ANO2: variants seen among roughly 807,000 people sequenced by gnomAD.
ANO2 encodes the protein anoctamin-2.
ANO2 carries 101 observed loss-of-function variants against 124.2 expected under a neutral mutation model. The ratio of observed to expected loss-of-function variants is 0.81; its 90% CI spans 0.69 to 0.96. The LOEUF is 0.96. Ranked by LOEUF, ANO2 falls within the 40% of genes least tolerant of loss-of-function variation. The probability of loss-of-function intolerance (pLI) is 0.00; values close to 1 mark genes in which losing one functional copy is unlikely to be tolerated. For synonymous variants in ANO2, 486 were observed against 482.5 expected (o/e 1.01, Z -0.09); for missense variants, 1,293 against 1,274.5 (o/e 1.01, Z -0.22).
chr12:5,839,468 C>T (rs1028526681), intron 4 of ANO2: 1 of 416,236 alleles, frequency 2.4e-6, no homozygotes, highest in Non-Finnish European at 4.8e-6. Context: ...CTACTCCAGA[C>T]TCACCTAACA....
chr12:5,768,776 C>T (rs570463430), intron 10 of ANO2, among the ~76,000 whole-genome samples: 2 of 152,320 alleles, frequency 1.3e-5, no homozygotes, highest in East Asian at 3.9e-4. Context: ...CAGCAGGACC[C>T]TGGCTGTCTG....
intron 16 of ANO2, among the ~76,000 whole-genome samples, chr12:5,634,602 G>A (rs950547957): frequency 6.6e-6 from 1 of 152,172 alleles, no homozygotes; most frequent in Admixed American, 6.5e-5. Flanking sequence ...TGAGGCCGTT[G>A]CATTTTTCTC....
intron 14 of ANO2, among the ~76,000 whole-genome samples, chr12:5,648,011 G>A (rs968665743): frequency 7.2e-5 from 11 of 152,166 alleles, no homozygotes; most frequent in African/African-American, 2.7e-4. Flanking sequence ...AAACTACAGT[G>A]AAAAAACAAG....
In ANO2 at chr12:5,824,925, G is replaced by A. The variant is rs149734879; in HGVS notation, c.892+2844C>T. Among the ~76,000 whole-genome samples, 120 of 152,248 alleles carry A rather than the reference G, an allele frequency of 7.9e-4. 1 individual carries two copies. Among genetic ancestry groups the A allele is most frequent in the African/African-American group, 2.6e-3 (110 of 41,544 alleles). On this transcript the variant is annotated intron_variant, in intron 7 of 24. Transcript: ENST00000682330. The stretch of plus-strand genomic sequence containing the variant: ...CCCTGATAAACCCATCAGATCTCGT[G>A]AGACTTATTCACTATCACAAGAATA...
intron 4 of ANO2, among the ~76,000 whole-genome samples, chr12:5,837,069 C>T (rs1381628453): frequency 6.6e-6 from 1 of 152,168 alleles, no homozygotes; most frequent in African/African-American, 2.4e-5. Flanking sequence ...GGGATCCAAA[C>T]AGTCATAAGA....
At chr12:5,907,950 C>A (rs1940805623) in intron 3 of ANO2, among the ~76,000 whole-genome samples, 1 of 152,252 alleles carries the variant, frequency 6.6e-6, no homozygotes, top group African/African-American at 2.4e-5. Flanking sequence ...GGATGCCAGA[C>A]CCTGCTCACA....
chr12:5,591,739 G>A (rs1053310341), intron 20 of ANO2, among the ~76,000 whole-genome samples: 1 of 152,174 alleles, frequency 6.6e-6, no homozygotes, highest in Non-Finnish European at 1.5e-5. Context: ...ACTTTGGGGT[G>A]AAGTTCCCTG....
chr12:5,920,698 T>C (rs1425330476), intron 3 of ANO2, among the ~76,000 whole-genome samples: 1 of 152,030 alleles, frequency 6.6e-6, no homozygotes, highest in East Asian at 1.9e-4. Flanking sequence ...ACCCCGTCTC[T>C]ACTAAAAAAA....
chr12:5,721,322 A>C (rs562455278), intron 14 of ANO2, among the ~76,000 whole-genome samples: 33 of 152,358 alleles, frequency 2.2e-4, no homozygotes, highest in Non-Finnish European at 4.0e-4. Flanking sequence ...GTGTGGAGGA[A>C]GCCAGCCCAC....
At position 5,921,179 on chromosome 12, in the gene ANO2, C is replaced by T; in HGVS notation, c.395G>A (p.Gly132Asp). The change falls in exon 3 of 25, where the codon GGC (glycine) becomes GAC (aspartate). Residue 132 changes from glycine to aspartate, a missense_variant. Coordinates refer to ENST00000682330, the MANE Select transcript of ANO2 (RefSeq NM_001364791.2). ...TGGGCCCCCAGCATGAGGCTCCTTG[C>T]CTGTCTCCCCATTGGAGACGATAGC... is the stretch of plus-strand genomic sequence containing the variant. ...SLAIVSNGET[G>D]KEPHAGGPGD... 1 of 1,613,954 alleles carries T rather than the reference C, an allele frequency of 6.2e-7. No homozygotes were observed. The highest frequency in any genetic ancestry group is 8.5e-7 in the Non-Finnish European group (1 of 1,179,864).
At chr12:5,898,208 G>A (rs1939928417) in intron 3 of ANO2, among the ~76,000 whole-genome samples, 1 of 152,172 alleles carries the variant, frequency 6.6e-6, no homozygotes, top group Non-Finnish European at 1.5e-5. Context: ...CACTACACAT[G>A]TATCAGAATG....
At chr12:5,775,296 G>A (rs1308563275) in intron 10 of ANO2, among the ~76,000 whole-genome samples, 3 of 151,906 alleles carry the variant, frequency 2.0e-5, no homozygotes, top group East Asian at 3.9e-4. Context: ...GAGAGAGAGA[G>A]AGAAAAATTC....
chr12:5,612,731 T>G lies in ANO2; in HGVS notation c.2012A>C (p.Glu671Ala). 1.9e-6 allele frequency: 3 copies of G among 1,613,786 alleles called. 1 individual carries two copies. The highest frequency in any genetic ancestry group is 2.5e-6 in the Non-Finnish European group (3 of 1,179,834). Residue 671 changes from glutamate to alanine, a missense_variant, in exon 19 of 25, where the codon GAG becomes GCG. Physicochemically the swap from Glu to Ala is moderately radical, Grantham distance 107 (BLOSUM62 -1). Transcript: ENST00000682330. ...EECAPGGCLMELCIQLSIIML... is the reference protein window; with the variant it reads ...EECAPGGCLMALCIQLSIIML... ...GATGATGCTGAGCTGAATGCAGAGC[T>G]CCATGAGACAGCCCCCTGGAGCACA...
At chr12:5,903,762 C>T (rs1483800164) in intron 3 of ANO2, among the ~76,000 whole-genome samples, 1 of 152,084 alleles carries the variant, frequency 6.6e-6, no homozygotes, top group Non-Finnish European at 1.5e-5. Flanking sequence ...TAAACCGCAG[C>T]CCTTTGGTCC....
At chr12:5,886,514 C>T (rs942257333) in intron 3 of ANO2, among the ~76,000 whole-genome samples, 2 of 152,244 alleles carry the variant, frequency 1.3e-5, no homozygotes, top group Admixed American at 1.3e-4. Flanking sequence ...CTACAGTCAA[C>T]AAAATAGTAT....
At chr12:5,730,586 A>G (rs1950594517) in intron 14 of ANO2, among the ~76,000 whole-genome samples, 2 of 152,232 alleles carry the variant, frequency 1.3e-5, no homozygotes, top group African/African-American at 4.8e-5. Context: ...ATTCCTCAGA[A>G]GCAGGTGCCT....
intron 2 of ANO2, 136 bp from the exon 3 acceptor site, chr12:5,921,502 C>T (rs965826918): frequency 1.2e-6 from 1 of 841,916 alleles, no homozygotes; most frequent in Non-Finnish European, 1.8e-6. Flanking sequence ...CCCCAGTGCC[C>T]CCAGTAAAAG....
intron 1 of ANO2, among the ~76,000 whole-genome samples, chr12:5,938,887 C>A (rs1942770117): frequency 6.6e-6 from 1 of 151,718 alleles, no homozygotes; most frequent in South Asian, 2.1e-4. Flanking sequence ...AGGTAGGCCA[C>A]AGGAGCACCT....
intron 12 of ANO2, chr12:5,740,243 G>A (rs1308886669): frequency 3.3e-6 from 1 of 303,740 alleles, no homozygotes; most frequent in East Asian, 8.8e-5. Flanking sequence ...ACAAAGAGGA[G>A]CAGGGATGGG....
Sources: allele counts gnomAD v4.1 joint callset (sites outside exome capture counted in the v4.1 genomes callset), GRCh38; gene constraint gnomAD v4.1.1; transcripts MANE v1.5; gene names NCBI Gene and HGNC (gene_info 2026-07-23, HGNC 2026-07-21).